The following TGFBRAP1 variants were observed in gnomAD, a reference collection of about 807,000 sequenced individuals.
The protein encoded by TGFBRAP1 is transforming growth factor beta receptor associated protein 1.
Under a neutral mutation model 83.2 loss-of-function variants are expected in TGFBRAP1, and 20 were observed. That is an observed-to-expected ratio of 0.24 (90% confidence interval 0.17 to 0.35). The LOEUF (loss-of-function observed/expected upper bound fraction) is 0.35. TGFBRAP1 is among the 10% of genes least tolerant of loss of function. TGFBRAP1 has a pLI of 1.00. For synonymous variants in TGFBRAP1, 415 were observed against 459.8 expected, an observed-to-expected ratio of 0.90 and a Z score of 1.25; for missense variants, 950 against 1,099.4, an observed-to-expected ratio of 0.86 and a Z score of 1.92.
Position 105,316,462 on chromosome 2 carries a change from T to TGTGTGTGTGC in TGFBRAP1, c.-17-8145_-17-8144insGCACACACAC, listed in dbSNP as rs1177329674. Reference sequence around the variant, plus strand: ...GTGTGTGTGTGTGTGTGTGTGTGTGTGCGCGCGCGCGCGCGCGCACGCGCA... The same window carrying TGTGTGTGTGC: ...GTGTGTGTGTGTGTGTGTGTGTGTGTGTGTGTGTGCGCGCGCGCGCGCGCGCGCACGCGCA... On this transcript the variant is annotated intron_variant, in intron 1 of 11. Coordinates refer to ENST00000393359, the MANE Select transcript of TGFBRAP1 (RefSeq NM_004257.6). Among the ~76,000 whole-genome samples the TGTGTGTGTGC allele has an allele frequency of 5.4e-3, 459 of 84,722 alleles. 1 individual carries two copies. Among genetic ancestry groups the TGTGTGTGTGC allele is most frequent in the African/African-American group, 8.4e-3 (154 of 18,442 alleles). The allele number at this position is 84,722 out of a possible 152,430, so 55.6% of individuals were successfully genotyped here. A position where few individuals can be genotyped will look rare whatever the true frequency, so the allele number is the denominator to read the frequency against.
chr2:105,273,113 C>G (rs1436417197), intron 9 of TGFBRAP1, 99 bp from the exon 10 acceptor site: 3 of 1,435,334 alleles, frequency 2.1e-6, no homozygotes, highest in Admixed American at 4.3e-5. Flanking sequence ...CGCGGCTGCA[C>G]TGACATGAGC....
chr2:105,311,936 A>AT (rs1192484107), intron 1 of TGFBRAP1, among the ~76,000 whole-genome samples: 2 of 151,812 alleles, frequency 1.3e-5, no homozygotes, highest in Non-Finnish European at 2.9e-5. Context: ...TTAAAAAACT[A>AT]TTTTTTTTAA....
intron 4 of TGFBRAP1, among the ~76,000 whole-genome samples, chr2:105,289,634 G>A (rs1008000560): frequency 5.9e-5 from 9 of 152,306 alleles, no homozygotes; most frequent in Middle Eastern, 3.4e-3. Flanking sequence ...TACAGGCCTC[G>A]AAACTCTTCC....
rs1678160919 is a variant in TGFBRAP1, at chr2:105,298,503, A to G, written c.883+8T>C. 6.4e-7 allele frequency: 1 copy of G among 1,565,420 alleles called. No individual in the cohort carries two copies. Among genetic ancestry groups the G allele is most frequent in the Non-Finnish European group, 8.7e-7 (1 of 1,153,078 alleles). Reference sequence around the variant, plus strand: ...AAATTTCACTAAGACTTCTATGTGAATGAGTACCTTCAAAGTCCTGTAGGA... The same window carrying G: ...AAATTTCACTAAGACTTCTATGTGAGTGAGTACCTTCAAAGTCCTGTAGGA... On this transcript the variant is annotated splice_region_variant and intron_variant, in intron 3 of 11. Transcript: ENST00000393359.
chr2:105,269,012 C>T lies in TGFBRAP1; in HGVS notation c.2406+260G>A, dbSNP rs1677047511. 6.6e-6 allele frequency among the ~76,000 whole-genome samples: 1 copy of T among 152,216 alleles called. No individual in the cohort carries two copies. Among genetic ancestry groups the T allele is most frequent in the South Asian group, 2.1e-4 (1 of 4,836 alleles). On this transcript the variant is annotated intron_variant, in intron 11 of 11. Coordinates refer to ENST00000393359, the MANE Select transcript of TGFBRAP1 (RefSeq NM_004257.6). The surrounding 1 kb of genome is among the most constrained non-coding windows in gnomAD (Gnocchi z 4.1). The stretch of plus-strand genomic sequence containing the variant: ...TGGGTAAGCGCCTGATATTCTGATG[C>T]TGCTCTCCTCCCTACAGACTCTCTT...
intron 1 of TGFBRAP1, among the ~76,000 whole-genome samples, chr2:105,323,213 G>T (rs575366459): frequency 6.6e-6 from 1 of 152,218 alleles, no homozygotes; most frequent in South Asian, 2.1e-4. Flanking sequence ...CTCTTGTGAC[G>T]CCTGGATGAG....
chr2:105,291,463 AAGAG>A (rs1677912265), intron 4 of TGFBRAP1, among the ~76,000 whole-genome samples: 1 of 152,294 alleles, frequency 6.6e-6, no homozygotes, highest in South Asian at 2.1e-4. Context: ...CTCCTCTGAA[AAGAG>A]AGAGAATGAT....
At chr2:105,297,258 A>G (rs1678120190) in intron 3 of TGFBRAP1, among the ~76,000 whole-genome samples, 1 of 152,186 alleles carries the variant, frequency 6.6e-6, no homozygotes, top group Non-Finnish European at 1.5e-5. Context: ...CTGTATCACA[A>G]CTAAGGCAGT....
chr2:105,280,610 T>G lies in TGFBRAP1; in HGVS notation c.1235A>C (p.Gln412Pro), dbSNP rs1416724085. The stretch of plus-strand genomic sequence containing the variant: ...CTTCTCCTGGTCCCCCTGGGTCAGC[T>G]GGTTCAGGTCTGCGTACTCATGAAG... ...PPLHEYADLN[Q>P]LTQGDQEKMA... The change falls in exon 6 of 12, where the codon CAG (glutamine) becomes CCG (proline). Residue 412 changes from glutamine to proline, a missense_variant. Coordinates refer to ENST00000393359, the MANE Select transcript of TGFBRAP1 (RefSeq NM_004257.6). The G allele has an allele frequency of 6.2e-7, 1 of 1,614,000 alleles. No homozygotes were observed. Among genetic ancestry groups the G allele is most frequent in the Admixed American group, 1.7e-5 (1 of 60,000 alleles).
At position 105,273,424 on chromosome 2, in the gene TGFBRAP1, A is replaced by G. The variant is rs79637219; in HGVS notation, c.1812+120T>C. 2,163 of 1,376,204 alleles carry G rather than the reference A, an allele frequency of 1.6e-3. 32 individuals carry two copies. In the African/African-American group the frequency reaches 0.029, roughly 19 times the overall value. The allele number at this position is 1,376,204 out of a possible 1,614,324, so 85.2% of individuals were successfully genotyped here. On this transcript the variant is annotated intron_variant, in intron 9 of 11. Transcript: ENST00000393359. ...CCTCAAGGCCGCCATCAGACCATCA[A>G]CAAGTACGGATGGATCACCCAGGGA...
chr2:105,327,876 A>G (rs750560712), intron 1 of TGFBRAP1, among the ~76,000 whole-genome samples: 2 of 152,314 alleles, frequency 1.3e-5, no homozygotes, highest in Non-Finnish European at 2.9e-5. Context: ...ACCCAATTCA[A>G]TTGTGTAATG....
chr2:105,306,065 T>TTG (rs1678487913), intron 2 of TGFBRAP1, among the ~76,000 whole-genome samples: 1 of 112,918 alleles, frequency 8.9e-6, no homozygotes, highest in African/African-American at 3.6e-5. Context: ...TTTTTTGTTT[T>TTG]TTGTTTTTTT....
chr2:105,329,537 A>AC (rs1207024739), intron 1 of TGFBRAP1, 88 bp downstream of exon 1: 20 of 71,826 alleles, frequency 2.8e-4, no homozygotes, highest in Middle Eastern at 0.017. Flanking sequence ...CCCGCCGCCT[A>AC]CCCCCCACTC....
intron 4 of TGFBRAP1, among the ~76,000 whole-genome samples, chr2:105,290,644 T>TGTGC (rs1677878402): frequency 6.6e-6 from 1 of 151,262 alleles, no homozygotes; most frequent in African/African-American, 2.4e-5. Context: ...TGTGTGTGTG[T>TGTGC]GTGTGTGTGT....
intron 1 of TGFBRAP1, among the ~76,000 whole-genome samples, chr2:105,311,736 T>C (rs1232266599): frequency 2.0e-5 from 3 of 151,796 alleles, no homozygotes; most frequent in Admixed American, 1.3e-4. Flanking sequence ...CCGTCTCTAC[T>C]AAAAATACAC....
In TGFBRAP1 at chr2:105,289,837, A is replaced by C. The variant is rs144445871; in HGVS notation, c.1039-5439T>G. Among the ~76,000 whole-genome samples the C allele has an allele frequency of 3.3e-5, 5 of 152,336 alleles. No homozygotes were observed. The East Asian group carries it at 9.6e-4, about 29-fold the overall frequency. ...TCTGAGTATAGAATTGTAAGTTTTA[A>C]TGTTGACAGATATTCTTGAATTGCC... On this transcript the variant is annotated intron_variant, in intron 4 of 11. Transcript: ENST00000393359.
chr2:105,325,847 T>C (rs1679211808), intron 1 of TGFBRAP1, among the ~76,000 whole-genome samples: 1 of 152,174 alleles, frequency 6.6e-6, no homozygotes, highest in Non-Finnish European at 1.5e-5. Context: ...AATCTTGAAA[T>C]TTGTCAGGAA....
intron 4 of TGFBRAP1, among the ~76,000 whole-genome samples, chr2:105,294,704 C>G (rs1337806070): frequency 6.6e-6 from 1 of 152,050 alleles, no homozygotes; most frequent in Non-Finnish European, 1.5e-5. Flanking sequence ...CCCTGAGATA[C>G]CAGATTGGAG....
the TGFBRAP1 span, among the ~76,000 whole-genome samples, chr2:105,254,804 G>A: frequency 2.0e-5 from 3 of 152,130 alleles, no homozygotes; most frequent in South Asian, 6.2e-4. Context: ...GAAGTGATTA[G>A]GTCATGAGGG....
Sources: allele counts gnomAD v4.1 joint callset (sites outside exome capture counted in the v4.1 genomes callset), GRCh38; gene constraint gnomAD v4.1.1; non-coding constraint Gnocchi (gnomAD v3.1); transcripts MANE v1.5; gene names NCBI Gene and HGNC (gene_info 2026-07-23, HGNC 2026-07-21).